GSG1L: variants seen among roughly 807,000 people sequenced by gnomAD.
GSG1L encodes the protein GSG1 like.
A neutral mutation model predicts 42.1 loss-of-function variants in GSG1L; 24 were observed. That is an observed-to-expected ratio of 0.57 (90% CI 0.41 to 0.80). GSG1L has a LOEUF of 0.80. Among genes scored for constraint, GSG1L ranks in the 30% least tolerant of loss-of-function variants. The pLI, the probability that GSG1L is intolerant of heterozygous loss-of-function variation, is 0.00. For synonymous variants in GSG1L, 215 were observed against 203.5 expected, an observed-to-expected ratio of 1.06 and a Z score of -0.48; for missense variants, 445 against 472.2, an observed-to-expected ratio of 0.94 and a Z score of 0.53.
intron 1 of GSG1L, among the ~76,000 whole-genome samples, chr16:27,973,855 T>C (rs1314119424): frequency 6.6e-6 from 1 of 152,166 alleles, no homozygotes; most frequent in Non-Finnish European, 1.5e-5. Context: ...TGGGCGGCAG[T>C]CCAGGTTGCC....
rs1423441372 is a variant in GSG1L at position 27,790,173 on chromosome 16, GA to G, written c.*1196del. On this transcript the variant is annotated 3_prime_UTR_variant, in exon 7 of 7. Coordinates refer to ENST00000447459, the MANE Select transcript of GSG1L (RefSeq NM_001109763.2). The stretch of plus-strand genomic sequence containing the variant: ...ATGGATGGATGATGAATGATGGATG[GA>G]TAATAGATGATGAATGGGTGGATAA... 6.6e-6 allele frequency: 1 copy of G among 151,910 alleles called. No individual in the cohort carries two copies. Among genetic ancestry groups the G allele is most frequent in the Admixed American group, 6.6e-5 (1 of 15,260 alleles). The allele number at this position is 151,910 out of a possible 1,614,324, so 9.4% of individuals were successfully genotyped here. A position where few individuals can be genotyped will look rare whatever the true frequency, so the allele number is the denominator to read the frequency against.
At chr16:28,012,615 G>A (rs1243435135) in intron 1 of GSG1L, among the ~76,000 whole-genome samples, 1 of 152,058 alleles carries the variant, frequency 6.6e-6, no homozygotes, top group African/African-American at 2.4e-5. Flanking sequence ...GCTGGGCATG[G>A]TGGCTCATGC....
intron 2 of GSG1L, chr16:27,888,250 G>T: frequency 3.3e-6 from 1 of 306,396 alleles, no homozygotes; most frequent in Non-Finnish European, 4.8e-6. Context: ...TCTCCTCACA[G>T]CAGGGCCCAG....
chr16:28,041,303 T>G (rs1037742406), intron 1 of GSG1L, among the ~76,000 whole-genome samples: 12 of 151,888 alleles, frequency 7.9e-5, no homozygotes, highest in African/African-American at 2.9e-4. Flanking sequence ...ATACAAACAT[T>G]AGCTGGGTGT....
At chr16:27,898,255 C>T (rs1365335043) in intron 2 of GSG1L, among the ~76,000 whole-genome samples, 1 of 152,166 alleles carries the variant, frequency 6.6e-6, no homozygotes, top group Non-Finnish European at 1.5e-5. Context: ...AGCACTGGCC[C>T]ACACAGGCTG....
intron 1 of GSG1L, among the ~76,000 whole-genome samples, chr16:28,012,893 CAAA>C (rs34003980): frequency 7.8e-6 from 1 of 128,490 alleles, no homozygotes; most frequent in African/African-American, 3.1e-5. Context: ...CAAGAACTCT[CAAA>C]AAAAAAAAAA....
chr16:28,043,583 T>C (rs1596726546), intron 1 of GSG1L, among the ~76,000 whole-genome samples: 1 of 152,140 alleles, frequency 6.6e-6, no homozygotes, highest in African/African-American at 2.4e-5. Context: ...TGGTATGAAA[T>C]AGTAGGAACT....
rs940716423 is a variant in GSG1L at position 28,054,869 on chromosome 16, G to A, written c.349+8207C>T. ...TGCCAAATGTGAACAATCAACAGAT[G>A]TCATATAAAAACTGGGAGTTTTGAA... On this transcript the variant is annotated intron_variant, in intron 1 of 6. Transcript: ENST00000447459. Among the ~76,000 whole-genome samples, 21 of 152,142 alleles carry A rather than the reference G, an allele frequency of 1.4e-4. No homozygotes were observed. In the East Asian group the frequency reaches 4.1e-3, roughly 30 times the overall value.
chr16:27,920,428 T>G (rs889802168), intron 2 of GSG1L, among the ~76,000 whole-genome samples: 1 of 152,236 alleles, frequency 6.6e-6, no homozygotes, highest in Non-Finnish European at 1.5e-5. Context: ...CCAGGAGTCG[T>G]TGGGAGGCAG....
Position 28,063,579 on chromosome 16 carries a change from C to A in GSG1L, c.-155G>T. ...CGGACGCGGCGCGGGCCCATGCCCC[C>A]CCCAACCCCGGGGTGGGGGCGCGGC... On this transcript the variant is annotated 5_prime_UTR_variant, in exon 1 of 7. Transcript: ENST00000447459. The surrounding 1 kb of genome is among the most constrained non-coding windows in gnomAD (Gnocchi z 5.8). 1 of 226,196 alleles carries A rather than the reference C, an allele frequency of 4.4e-6. No homozygotes were observed. Among genetic ancestry groups the A allele is most frequent in the Non-Finnish European group, 7.4e-6 (1 of 136,006 alleles). 14.0% of individuals were successfully genotyped at this position (226,196 alleles called of 1,614,324 possible). A position where few individuals can be genotyped will look rare whatever the true frequency, so the allele number is the denominator to read the frequency against.
chr16:27,893,518 A>C (rs970441980), intron 2 of GSG1L, among the ~76,000 whole-genome samples: 2 of 152,238 alleles, frequency 1.3e-5, no homozygotes, highest in Non-Finnish European at 2.9e-5. Flanking sequence ...AGAGTTGAAG[A>C]AAGTTAAGTA....
chr16:27,900,168 C>T (rs2141041463), intron 2 of GSG1L, among the ~76,000 whole-genome samples: 1 of 152,328 alleles, frequency 6.6e-6, no homozygotes, highest in East Asian at 1.9e-4. Context: ...GACTTGGATC[C>T]AGTCCTCCAG....
chr16:27,796,096 G>A (rs1000365169), intron 6 of GSG1L, among the ~76,000 whole-genome samples: 2 of 152,200 alleles, frequency 1.3e-5, no homozygotes, highest in African/African-American at 4.8e-5. Flanking sequence ...ACAGGTGGCA[G>A]GTATTGATGC....
At chr16:27,844,683 T>C (rs1326997360) in intron 4 of GSG1L, among the ~76,000 whole-genome samples, 1 of 152,234 alleles carries the variant, frequency 6.6e-6, no homozygotes, top group African/African-American at 2.4e-5. Context: ...TTCCTTTGAT[T>C]TATTTTCTTA....
intron 2 of GSG1L, among the ~76,000 whole-genome samples, chr16:27,946,272 C>T (rs775125903): frequency 2.0e-5 from 3 of 152,066 alleles, no homozygotes; most frequent in South Asian, 2.1e-4. Flanking sequence ...AGGTCAGTCG[C>T]GGTGGCTCAT....
intron 6 of GSG1L, among the ~76,000 whole-genome samples, chr16:27,792,931 A>G (rs1036712536): frequency 6.6e-6 from 1 of 152,236 alleles, no homozygotes; most frequent in Non-Finnish European, 1.5e-5. Context: ...TAGATGCTTT[A>G]GAAGTCACAG....
At chr16:27,921,789 C>T (rs2084527517) in intron 2 of GSG1L, among the ~76,000 whole-genome samples, 1 of 152,164 alleles carries the variant, frequency 6.6e-6, no homozygotes, top group African/African-American at 2.4e-5. Flanking sequence ...TCTTATGCGG[C>T]AGCCCCTTCT....
rs2086361815 is a variant in GSG1L at position 28,063,067 on chromosome 16, C to T, written c.349+9G>A. Reference sequence around the variant, plus strand: ...GGAGCCGAGCTGGCCGCCGCCCGCGCGCACTCACCAAGCCCGCTGAGCTCC... The same window carrying T: ...GGAGCCGAGCTGGCCGCCGCCCGCGTGCACTCACCAAGCCCGCTGAGCTCC... On this transcript the variant is annotated intron_variant, in intron 1 of 6. Coordinates refer to ENST00000447459, the MANE Select transcript of GSG1L (RefSeq NM_001109763.2). The surrounding 1 kb of genome is among the most constrained non-coding windows in gnomAD (Gnocchi z 5.8). The T allele has an allele frequency of 7.1e-7, 1 of 1,408,350 alleles. No homozygotes were observed. The allele number at this position is 1,408,350 out of a possible 1,614,324, so 87.2% of individuals were successfully genotyped here. A position where few individuals can be genotyped will look rare whatever the true frequency, so the allele number is the denominator to read the frequency against.
intron 3 of GSG1L, among the ~76,000 whole-genome samples, chr16:27,877,876 A>T (rs1309724525): frequency 6.6e-6 from 1 of 152,146 alleles, no homozygotes; most frequent in East Asian, 1.9e-4. Flanking sequence ...CCTGGGTGCA[A>T]AGCCCTGCTC....
Sources: gnomAD v4.1 joint callset for allele counts (sites outside exome capture counted in the v4.1 genomes callset) on GRCh38, gnomAD v4.1.1 for gene constraint, Gnocchi (gnomAD v3.1) non-coding constraint, MANE v1.5 for transcripts, NCBI Gene and HGNC (gene_info 2026-07-23, HGNC 2026-07-21) for gene names.